Variants in SYT16 observed in about 807,000 individuals in gnomAD.
The protein encoded by SYT16 is synaptotagmin 16, also known as synaptotagmin-16.
In SYT16, 42 loss-of-function variants were observed where a neutral mutation model predicts 61.4. The ratio of observed to expected loss-of-function variants is 0.68; its 90% CI spans 0.53 to 0.89. The LOEUF (loss-of-function observed/expected upper bound fraction) is 0.89, where lower values mean the gene tolerates loss of function less well. Among genes scored for constraint, SYT16 ranks in the 40% least tolerant of loss-of-function variants. The probability of loss-of-function intolerance (pLI) is 0.00; values close to 1 mark genes in which losing one functional copy is unlikely to be tolerated. For synonymous variants in SYT16, 314 were observed against 302.3 expected (o/e 1.04, Z -0.40); for missense variants, 804 against 807.3 (o/e 1.00, Z 0.05).
chr14:61,885,562 C>T (rs2047867511), intron 1 of SYT16, among the ~76,000 whole-genome samples: 1 of 152,110 alleles, frequency 6.6e-6, no homozygotes, highest in Non-Finnish European at 1.5e-5. Flanking sequence ...GGGGGTTTGA[C>T]AAAGCAAGGA....
chr14:62,025,334 C>T (rs897471061), intron 3 of SYT16, among the ~76,000 whole-genome samples: 1 of 151,986 alleles, frequency 6.6e-6, no homozygotes, highest in African/African-American at 2.4e-5. Context: ...TAATTTGTAG[C>T]CCCTGAATGA....
rs557335611 is a variant in SYT16 at position 62,100,817 on chromosome 14, T to C, written c.*110T>C. ...TCAGGGTTTCAAAAACAGATTCCACTAACCCCTAGGACATTGTGAGTGGGA... is the reference window on the plus strand; with the variant it reads ...TCAGGGTTTCAAAAACAGATTCCACCAACCCCTAGGACATTGTGAGTGGGA... On this transcript the variant is annotated 3_prime_UTR_variant, in exon 8 of 8. Transcript: ENST00000683842. 9.0e-7 allele frequency: 1 copy of C among 1,106,254 alleles called. No homozygotes were observed. The highest frequency in any genetic ancestry group is 1.6e-5 in the African/African-American group (1 of 63,524). The allele number at this position is 1,106,254 out of a possible 1,614,324, so 68.5% of individuals were successfully genotyped here.
At chr14:62,004,435 G>T (rs892308671) in intron 3 of SYT16, among the ~76,000 whole-genome samples, 9 of 152,124 alleles carry the variant, frequency 5.9e-5, no homozygotes, top group Non-Finnish European at 1.0e-4. Flanking sequence ...TGAGGTTTGA[G>T]TGGGGACACA....
rs1361343751 is a variant in SYT16 at position 62,103,026 on chromosome 14, GATGC to G, written c.*2323_*2326del. 6.6e-6 allele frequency: 1 copy of G among 152,106 alleles called. No individual in the cohort carries two copies. Among genetic ancestry groups the G allele is most frequent in the Non-Finnish European group, 1.5e-5 (1 of 68,024 alleles). 9.4% of individuals were successfully genotyped at this position (152,106 alleles called of 1,614,324 possible). On this transcript the variant is annotated 3_prime_UTR_variant, in exon 8 of 8. Transcript: ENST00000683842. ...TATGTTGGTGCTACTCACCAAATAGGATGCATGTACATCTTGAATATACAGCAAC... is the reference window on the plus strand; with the variant it reads ...TATGTTGGTGCTACTCACCAAATAGGATGTACATCTTGAATATACAGCAAC...
At chr14:61,845,381 C>T (rs1015232669) in intron 1 of SYT16, among the ~76,000 whole-genome samples, 15 of 152,086 alleles carry the variant, frequency 9.9e-5, no homozygotes, top group African/African-American at 3.6e-4. Flanking sequence ...AATCTTGTTA[C>T]TTGTCTGTTC....
At chr14:62,025,301 G>A (rs1416218817) in intron 3 of SYT16, among the ~76,000 whole-genome samples, 2 of 152,110 alleles carry the variant, frequency 1.3e-5, no homozygotes, top group African/African-American at 2.4e-5. Context: ...TAATAAGTAT[G>A]TAGTAGTGTC....
intron 1 of SYT16, among the ~76,000 whole-genome samples, chr14:61,878,443 A>G (rs1438924618): frequency 6.6e-6 from 1 of 152,166 alleles, no homozygotes. Flanking sequence ...TTTAATTTTC[A>G]TGACTCTCAA....
chr14:61,954,308 C>CT (rs35213867), intron 1 of SYT16, among the ~76,000 whole-genome samples: 35,077 of 138,064 alleles, frequency 0.25, 4,894 homozygotes, highest in South Asian at 0.38. Context: ...ATTGGTTAGC[C>CT]TTTTTTTTTT....
chr14:61,996,615 T>C, intron 3 of SYT16, 73 bp downstream of exon 3: 1 of 1,502,196 alleles, frequency 6.7e-7, no homozygotes, highest in Non-Finnish European at 8.9e-7. Flanking sequence ...TTGACTTGTT[T>C]TTAGTTATCA....
intron 5 of SYT16, among the ~76,000 whole-genome samples, chr14:62,076,226 G>T (rs1052374336): frequency 6.6e-6 from 1 of 152,072 alleles, no homozygotes; most frequent in East Asian, 1.9e-4. Flanking sequence ...TCATGATTCT[G>T]TGACATTGGA....
intron 1 of SYT16, among the ~76,000 whole-genome samples, chr14:61,858,860 T>TC (rs1018009254): frequency 8.3e-6 from 1 of 120,462 alleles, no homozygotes; most frequent in African/African-American, 3.1e-5. Flanking sequence ...TTTTCTTTTC[T>TC]TTTTTTTTTT....
chr14:61,898,140 A>G (rs1034145999), intron 1 of SYT16, among the ~76,000 whole-genome samples: 23 of 152,180 alleles, frequency 1.5e-4, no homozygotes, highest in African/African-American at 5.5e-4. Context: ...GCCAATTCTT[A>G]GCTTCTAAAT....
At position 62,040,805 on chromosome 14, in the gene SYT16, T is replaced by C. The variant is rs145617039; in HGVS notation, c.524-28798T>C. ...AAGTACCAAGAGGTCCCATATACTC[T>C]TACCTCTTCCTGCCTTGTTTCCCCT... On this transcript the variant is annotated intron_variant, in intron 3 of 7. Transcript: ENST00000683842. Among the ~76,000 whole-genome samples the C allele has an allele frequency of 2.4e-3, 371 of 152,302 alleles. 1 individual carries two copies. Among genetic ancestry groups the C allele is most frequent in the South Asian group, 0.011 (52 of 4,822 alleles).
At chr14:61,848,267 A>T (rs184305037) in intron 1 of SYT16, among the ~76,000 whole-genome samples, 29 of 152,358 alleles carry the variant, frequency 1.9e-4, no homozygotes, top group Admixed American at 1.4e-3. Flanking sequence ...CTGAAGCCGT[A>T]TCTGCATTAG....
intron 1 of SYT16, among the ~76,000 whole-genome samples, chr14:61,899,448 C>G (rs1343127500): frequency 6.6e-6 from 1 of 152,210 alleles, no homozygotes; most frequent in Admixed American, 6.5e-5. Context: ...ATAATATTCA[C>G]TTCCCTCCAG....
At chr14:62,047,399 A>G (rs1458522059) in intron 3 of SYT16, among the ~76,000 whole-genome samples, 1 of 152,190 alleles carries the variant, frequency 6.6e-6, no homozygotes, top group East Asian at 1.9e-4. Context: ...TTTTCTAGAT[A>G]TACAATCATG....
intron 1 of SYT16, among the ~76,000 whole-genome samples, chr14:61,936,531 A>C (rs217692): frequency 0.91 from 138,714 of 152,160 alleles, 63,358 homozygotes; most frequent in South Asian, 0.98. Context: ...TTTGATTAGG[A>C]ATAACACAGG....
At chr14:62,085,330 G>T (rs1429212079) in intron 7 of SYT16, among the ~76,000 whole-genome samples, 2 of 152,162 alleles carry the variant, frequency 1.3e-5, no homozygotes, top group East Asian at 1.9e-4. Flanking sequence ...ACTTAATTTG[G>T]ATCTGGAATG....
intron 2 of SYT16, among the ~76,000 whole-genome samples, chr14:61,976,742 G>A (rs2051821958): frequency 6.6e-6 from 1 of 152,116 alleles, no homozygotes; most frequent in Admixed American, 6.5e-5. Context: ...AGCCTGTGAT[G>A]GGAAGGGCTG....
Sources: gnomAD v4.1 joint callset for allele counts (sites outside exome capture counted in the v4.1 genomes callset) on GRCh38, gnomAD v4.1.1 for gene constraint, MANE v1.5 for transcripts, NCBI Gene and HGNC (gene_info 2026-07-23, HGNC 2026-07-21) for gene names.